C8A: variants seen among roughly 807,000 people sequenced by gnomAD.
The protein encoded by C8A is complement component C8 alpha chain.
C8A carries 67 observed loss-of-function variants against 65.3 expected under a neutral mutation model. The ratio of observed to expected loss-of-function variants is 1.03; its 90% CI spans 0.84 to 1.26. The LOEUF (loss-of-function observed/expected upper bound fraction) is 1.26, where lower values mean the gene tolerates loss of function less well. C8A is among the 50% of genes most tolerant of loss of function. C8A has a pLI of 0.00. For synonymous variants in C8A, 290 were observed against 259.4 expected, an observed-to-expected ratio of 1.12 and a Z score of -1.13; for missense variants, 781 against 723.9, an observed-to-expected ratio of 1.08 and a Z score of -0.90.
chr1:56,884,254 A>G (rs1427947028), intron 6 of C8A, among the ~76,000 whole-genome samples: 1 of 152,064 alleles, frequency 6.6e-6, no homozygotes. Flanking sequence ...AGGCATGGAA[A>G]TCAGCATGTG....
At chr1:56,878,379 A>G (rs1056734927) in intron 4 of C8A, among the ~76,000 whole-genome samples, 2 of 152,240 alleles carry the variant, frequency 1.3e-5, no homozygotes, top group Non-Finnish European at 2.9e-5. Flanking sequence ...ACTATAGAGT[A>G]AACAATAGAA....
chr1:56,865,153 C>A (rs1644072671), intron 1 of C8A, among the ~76,000 whole-genome samples: 1 of 152,162 alleles, frequency 6.6e-6, no homozygotes, highest in Admixed American at 6.5e-5. Context: ...ATAAAGAAAT[C>A]ATTGAGTATA....
intron 7 of C8A, among the ~76,000 whole-genome samples, chr1:56,894,731 T>C (rs1482151585): frequency 3.3e-5 from 5 of 152,080 alleles, no homozygotes; most frequent in African/African-American, 1.2e-4. Context: ...TCGACAAACA[T>C]TTATGAAGTA....
At position 56,908,012 on chromosome 1, in the gene C8A, A is replaced by G; in HGVS notation, c.1279A>G (p.Ser427Gly). ...EDIISRVRGG[S>G]SGWSGGLAQN... is the part of the protein sequence containing the mutation. Reference sequence around the variant, plus strand: ...CATTATTTCTCGGGTGCGAGGTGGCAGTTCTGGCTGGAGCGGTGGCTTGGC... The same window carrying G: ...CATTATTTCTCGGGTGCGAGGTGGCGGTTCTGGCTGGAGCGGTGGCTTGGC... The change falls in exon 9 of 11, where the codon AGT (serine) becomes GGT (glycine). Residue 427 changes from serine (S) to glycine (G), a missense_variant. By Grantham distance (56) the Ser-to-Gly change is moderately conservative. Transcript: ENST00000361249. 1 of 1,614,174 alleles carries G rather than the reference A, an allele frequency of 6.2e-7. No individual in the cohort carries two copies. Among genetic ancestry groups the G allele is most frequent in the Non-Finnish European group, 8.5e-7 (1 of 1,180,000 alleles).
At chr1:56,879,810 T>C (rs190229130) in intron 4 of C8A, among the ~76,000 whole-genome samples, 12 of 152,298 alleles carry the variant, frequency 7.9e-5, no homozygotes, top group Admixed American at 6.5e-4. Flanking sequence ...TTAACATACA[T>C]TGAATTTCTA....
rs374344050 is a variant in C8A at position 56,881,621 on chromosome 1, A to G, written c.641A>G (p.Lys214Arg). The stretch of plus-strand genomic sequence containing the variant: ...TTTCGGAAACCCTACAACTTTCTGA[A>G]GTACCACTTTGAAGTAAGTCTGAAC... The part of the protein sequence containing the change: ...KYFRKPYNFL[K>R]YHFEALADTG... The change falls in exon 5 of 11, where the codon AAG becomes AGG. Residue 214 changes from lysine to arginine, a missense_variant. Transcript: ENST00000361249. The G allele has an allele frequency of 2.2e-5, 35 of 1,613,198 alleles. No homozygotes were observed. The highest frequency in any genetic ancestry group is 2.9e-5 in the Non-Finnish European group (34 of 1,179,702).
At chr1:56,862,122 C>T (rs529472887) in intron 1 of C8A, among the ~76,000 whole-genome samples, 19 of 152,234 alleles carry the variant, frequency 1.2e-4, no homozygotes, top group South Asian at 8.3e-4. Context: ...GCATGTGTGA[C>T]GTTGACAAGG....
At chr1:56,894,735 T>A (rs1030296552) in intron 7 of C8A, among the ~76,000 whole-genome samples, 2 of 152,064 alleles carry the variant, frequency 1.3e-5, no homozygotes, top group African/African-American at 4.8e-5. Flanking sequence ...CAAACATTTA[T>A]GAAGTACACA....
chr1:56,885,380 T>G lies in C8A; in HGVS notation c.856-547T>G, dbSNP rs868832019. On this transcript the variant is annotated intron_variant, in intron 6 of 10. Coordinates refer to ENST00000361249, the MANE Select transcript of C8A (RefSeq NM_000562.3). The stretch of plus-strand genomic sequence containing the variant: ...TATGTAAATATATATTTATATTTAT[T>G]TAAATATATATTTAAATAAATATAT... Among the ~76,000 whole-genome samples, 46 of 94,594 alleles carry G rather than the reference T, an allele frequency of 4.9e-4. 3 individuals are homozygous for G. The highest frequency in any genetic ancestry group is 1.4e-3 in the African/African-American group (38 of 27,250). The allele number at this position is 94,594 out of a possible 152,430, so 62.1% of individuals were successfully genotyped here.
rs893535611 is a variant in C8A at position 56,868,780 on chromosome 1, T to C, written c.171+1078T>C. Among the ~76,000 whole-genome samples the C allele has an allele frequency of 3.3e-5, 5 of 152,136 alleles. No homozygotes were observed. The East Asian group carries it at 9.6e-4, about 29-fold the overall frequency. The stretch of plus-strand genomic sequence containing the variant: ...TGTCTATTAGCACATTACCTCTGAG[T>C]TTAAGTGTTAAGATTCAGTTCTGCA... On this transcript the variant is annotated intron_variant, in intron 2 of 10. Transcript: ENST00000361249.
chr1:56,875,895 GC>G (rs1283023706), intron 3 of C8A, among the ~76,000 whole-genome samples, 166 bp from the exon 4 acceptor site: 1 of 152,130 alleles, frequency 6.6e-6, no homozygotes, highest in Non-Finnish European at 1.5e-5. Flanking sequence ...CTGGGAGGCT[GC>G]AGACAGGAGC....
chr1:56,890,153 T>C (rs1181114727), intron 7 of C8A, among the ~76,000 whole-genome samples: 2 of 152,156 alleles, frequency 1.3e-5, no homozygotes, highest in African/African-American at 4.8e-5. Flanking sequence ...CATTGTTCTG[T>C]TCAGCTGGAT....
chr1:56,897,989 C>T (rs190531349), intron 7 of C8A, among the ~76,000 whole-genome samples: 30 of 152,282 alleles, frequency 2.0e-4, no homozygotes, highest in South Asian at 8.3e-4. Context: ...GGAGCCACAA[C>T]TTTTTCTGCC....
Position 56,889,396 on chromosome 1 carries a change from G to A in C8A, c.1096+3229G>A, listed in dbSNP as rs148138164. On this transcript the variant is annotated intron_variant, in intron 7 of 10. Coordinates refer to ENST00000361249, the MANE Select transcript of C8A (RefSeq NM_000562.3). ...TCCATTTTGATGTTTGCTATATTGG[G>A]CTGGTTCAAAAGTAATTGAAGTTTT... Among the ~76,000 whole-genome samples the A allele has an allele frequency of 1.8e-4, 27 of 152,188 alleles. 1 individual carries two copies. In the East Asian group the frequency reaches 5.0e-3, roughly 28 times the overall value.
intron 7 of C8A, among the ~76,000 whole-genome samples, chr1:56,899,304 T>C (rs1007479855): frequency 6.6e-6 from 1 of 152,184 alleles, no homozygotes; most frequent in Non-Finnish European, 1.5e-5. Flanking sequence ...CCCAGAGCCA[T>C]CCTTAGCTCT....
intron 4 of C8A, among the ~76,000 whole-genome samples, chr1:56,877,942 C>T (rs1644213744): frequency 6.6e-6 from 1 of 152,030 alleles, no homozygotes; most frequent in Admixed American, 6.6e-5. Context: ...TCTTTCATAC[C>T]AGCAGTATTA....
chr1:56,883,287 C>T (rs1415910202), intron 5 of C8A, among the ~76,000 whole-genome samples, 194 bp from the exon 6 acceptor site: 1 of 151,944 alleles, frequency 6.6e-6, no homozygotes, highest in Non-Finnish European at 1.5e-5. Flanking sequence ...TTATCAGTAC[C>T]ACTAAACACT....
rs60299347 is a variant in C8A at position 56,882,978 on chromosome 1, A to ACAAGGCCAAGACCATGTCTCAGTT, written c.655-498_655-475dup. Among the ~76,000 whole-genome samples, 1,184 of 152,270 alleles carry ACAAGGCCAAGACCATGTCTCAGTT rather than the reference A, an allele frequency of 7.8e-3. 19 individuals carry two copies. Among genetic ancestry groups the ACAAGGCCAAGACCATGTCTCAGTT allele is most frequent in the African/African-American group, 0.028 (1,151 of 41,528 alleles). On this transcript the variant is annotated intron_variant, in intron 5 of 10. Coordinates refer to ENST00000361249, the MANE Select transcript of C8A (RefSeq NM_000562.3). ...CATAAGGCTTACTTCTTTGGCTCAA[A>ACAAGGCCAAGACCATGTCTCAGTT]CAAGGCCAAGACCATGTCTCAGTTC...
At chr1:56,911,065 G>GTT (rs11325191) in intron 9 of C8A, among the ~76,000 whole-genome samples, 1,929 of 141,826 alleles carry the variant, frequency 0.014, 14 homozygotes, top group East Asian at 0.02. Context: ...AAAAACATGG[G>GTT]TTTTTTTTTT....
Sources: gnomAD v4.1 joint callset for allele counts (sites outside exome capture counted in the v4.1 genomes callset) on GRCh38, gnomAD v4.1.1 for gene constraint, MANE v1.5 for transcripts, NCBI Gene and HGNC (gene_info 2026-07-23, HGNC 2026-07-21) for gene names.